The following GMDS variants were observed in gnomAD, a reference collection of about 807,000 sequenced individuals.
The protein encoded by GMDS is GDP-mannose 4,6-dehydratase, also known as GDP-mannose 4,6 dehydratase.
A neutral mutation model predicts 49.9 loss-of-function variants in GMDS; 20 were observed. The ratio of observed to expected loss-of-function variants is 0.40; its 90% CI spans 0.28 to 0.58. The LOEUF is 0.58. GMDS is among the 20% of genes least tolerant of loss of function. The pLI, the probability that GMDS is intolerant of heterozygous loss-of-function variation, is 0.42. For missense variants in GMDS, 362 were observed against 481.4 expected, an observed-to-expected ratio of 0.75 and a Z score of 2.32; for synonymous variants, 177 against 178.6, an observed-to-expected ratio of 0.99 and a Z score of 0.07.
chr6:2,188,139 G>A (rs1344124024), intron 1 of GMDS, among the ~76,000 whole-genome samples: 1 of 152,162 alleles, frequency 6.6e-6, no homozygotes, highest in Non-Finnish European at 1.5e-5. Flanking sequence ...CACCGAGGAG[G>A]GGGACTCAAA....
intron 9 of GMDS, among the ~76,000 whole-genome samples, chr6:1,643,822 T>C (rs1360195589): frequency 6.6e-6 from 1 of 152,116 alleles, no homozygotes; most frequent in East Asian, 1.9e-4. Flanking sequence ...AATAAAATTG[T>C]TTAAAAATTA....
At chr6:1,751,825 G>T (rs1279562182) in intron 7 of GMDS, among the ~76,000 whole-genome samples, 1 of 152,146 alleles carries the variant, frequency 6.6e-6, no homozygotes, top group Non-Finnish European at 1.5e-5. Flanking sequence ...CTAACAGAAA[G>T]AAATAGCATC....
At chr6:2,163,752 G>T (rs989954729) in intron 1 of GMDS, among the ~76,000 whole-genome samples, 2 of 152,148 alleles carry the variant, frequency 1.3e-5, no homozygotes, top group Admixed American at 1.3e-4. Context: ...GGATGAACTA[G>T]CCAACACCAC....
chr6:1,953,464 CTTAA>C (rs1483518167), intron 6 of GMDS, among the ~76,000 whole-genome samples: 2 of 152,132 alleles, frequency 1.3e-5, no homozygotes, highest in African/African-American at 4.8e-5. Flanking sequence ...TTTGTTCCCT[CTTAA>C]TTATCATGCA....
At chr6:1,898,081 C>G (rs867681189) in intron 7 of GMDS, among the ~76,000 whole-genome samples, 24 of 125,648 alleles carry the variant, frequency 1.9e-4, no homozygotes, top group African/African-American at 3.5e-4. Flanking sequence ...CCTGGCCTCC[C>G]TTGCCATCCT....
chr6:2,082,685 T>C (rs1198904948), intron 4 of GMDS, among the ~76,000 whole-genome samples: 2 of 152,254 alleles, frequency 1.3e-5, no homozygotes, highest in African/African-American at 4.8e-5. Context: ...ATTTAGTTAA[T>C]GACACTTTTA....
chr6:2,167,672 C>T (rs1777735464), intron 1 of GMDS, among the ~76,000 whole-genome samples: 1 of 152,088 alleles, frequency 6.6e-6, no homozygotes, highest in South Asian at 2.1e-4. Context: ...TTACATGCAG[C>T]TTCTTCCTAA....
At chr6:2,198,650 A>C (rs1779378568) in intron 1 of GMDS, among the ~76,000 whole-genome samples, 1 of 152,220 alleles carries the variant, frequency 6.6e-6, no homozygotes, top group African/African-American at 2.4e-5. Flanking sequence ...TACTGCTACG[A>C]GGTATTTTAC....
intron 7 of GMDS, among the ~76,000 whole-genome samples, chr6:1,810,436 C>A (rs1037543097): frequency 1.3e-5 from 2 of 152,256 alleles, no homozygotes; most frequent in Non-Finnish European, 2.9e-5. Flanking sequence ...GTGTGTGCCA[C>A]CACACCTGGC....
At chr6:2,073,165 C>T (rs914468198) in intron 4 of GMDS, among the ~76,000 whole-genome samples, 2 of 152,166 alleles carry the variant, frequency 1.3e-5, no homozygotes, top group South Asian at 2.1e-4. Context: ...TGCACCAGTG[C>T]GCCTTGGCAA....
At position 1,635,385 on chromosome 6, in the gene GMDS, C is replaced by G. The variant is rs746548325; in HGVS notation, c.988-10845G>C. Among the ~76,000 whole-genome samples, 2 of 152,240 alleles carry G rather than the reference C, an allele frequency of 1.3e-5. No individual in the cohort carries two copies. Among genetic ancestry groups the G allele is most frequent in the African/African-American group, 2.4e-5 (1 of 41,468 alleles). On this transcript the variant is annotated intron_variant, in intron 9 of 10. Coordinates refer to ENST00000380815, the MANE Select transcript of GMDS (RefSeq NM_001500.4). The surrounding 1 kb of genome is among the most constrained non-coding windows in gnomAD (Gnocchi z 4.7). ...CAAGCTGTGTCCACTGCGCAACCAA[C>G]ATGGCCCACTTTCATCCTCCGGCTG... is the stretch of plus-strand genomic sequence containing the variant.
At chr6:2,149,638 T>C (rs1776747586) in intron 1 of GMDS, among the ~76,000 whole-genome samples, 1 of 152,236 alleles carries the variant, frequency 6.6e-6, no homozygotes, top group Non-Finnish European at 1.5e-5. Context: ...TTGCGTGGAT[T>C]CAAGGAAACA....
rs1312309738 is a variant in GMDS at position 1,788,466 on chromosome 6, C to T, written c.772-45880G>A. Among the ~76,000 whole-genome samples the T allele has an allele frequency of 7.2e-5, 11 of 152,170 alleles. No homozygotes were observed. In the East Asian group the frequency reaches 2.1e-3, roughly 29 times the overall value. ...ACAGGCTTTACTATCCTGGGGTTTC[C>T]TGGCAGAAATGTCTGGGAAGATCTG... On this transcript the variant is annotated intron_variant, in intron 7 of 10. Coordinates refer to ENST00000380815, the MANE Select transcript of GMDS (RefSeq NM_001500.4).
intron 6 of GMDS, chr6:1,930,742 G>T (rs1402511036): frequency 6.6e-6 from 1 of 152,184 alleles, no homozygotes; most frequent in African/African-American, 2.4e-5. Flanking sequence ...AAGGAAACAA[G>T]AAAGGAATTT....
intron 7 of GMDS, among the ~76,000 whole-genome samples, chr6:1,846,746 T>C (rs1254775081): frequency 1.3e-5 from 2 of 152,218 alleles, no homozygotes. Context: ...GTGAGAGATG[T>C]GGCCAGAAGA....
At chr6:1,954,185 G>A (rs531518120) in intron 6 of GMDS, among the ~76,000 whole-genome samples, 3 of 152,302 alleles carry the variant, frequency 2.0e-5, no homozygotes, top group African/African-American at 7.2e-5. Context: ...AATACAAAAG[G>A]AAAAAGCAGT....
intron 4 of GMDS, among the ~76,000 whole-genome samples, chr6:2,064,901 T>C (rs1221657759): frequency 6.6e-6 from 1 of 152,128 alleles, no homozygotes; most frequent in Non-Finnish European, 1.5e-5. Context: ...AATAGTACTG[T>C]TATGGATAAG....
chr6:1,768,162 C>T (rs1485552870), intron 7 of GMDS, among the ~76,000 whole-genome samples: 1 of 152,030 alleles, frequency 6.6e-6, no homozygotes, highest in African/African-American at 2.4e-5. Flanking sequence ...AACAGGAAAC[C>T]TTAATAGGTA....
chr6:2,240,671 T>C (rs1781574936), intron 1 of GMDS, among the ~76,000 whole-genome samples: 3 of 147,752 alleles, frequency 2.0e-5, no homozygotes, highest in African/African-American at 7.5e-5. Context: ...CTTCAACAAA[T>C]ATACTTTGAA....
Sources: allele counts gnomAD v4.1 joint callset (sites outside exome capture counted in the v4.1 genomes callset), GRCh38; gene constraint gnomAD v4.1.1; non-coding constraint Gnocchi (gnomAD v3.1); transcripts MANE v1.5; gene names NCBI Gene and HGNC (gene_info 2026-07-23, HGNC 2026-07-21).